Variants in ROBO2 observed in about 807,000 individuals in gnomAD.
ROBO2 encodes roundabout guidance receptor 2, also known as roundabout homolog 2.
A neutral mutation model predicts 160.8 loss-of-function variants in ROBO2; 53 were observed. The ratio of observed to expected loss-of-function variants is 0.33; its 90% CI spans 0.26 to 0.41. ROBO2 has a LOEUF of 0.41. Among genes scored for constraint, ROBO2 ranks in the 10% least tolerant of loss-of-function variants. ROBO2 has a pLI of 1.00. For synonymous variants in ROBO2, 664 were observed against 611.7 expected, an observed-to-expected ratio of 1.09 and a Z score of -1.26; for missense variants, 1,577 against 1,722.4, an observed-to-expected ratio of 0.92 and a Z score of 1.49.
intron 6 of ROBO2, among the ~76,000 whole-genome samples, chr3:77,525,482 C>G (rs1015565670): frequency 6.7e-6 from 1 of 150,098 alleles, no homozygotes; most frequent in African/African-American, 2.4e-5. Flanking sequence ...GCTGACTTGG[C>G]AAATGTAAAA....
At chr3:76,310,029 C>T (rs917098588) in intron 2 of ROBO2, among the ~76,000 whole-genome samples, 2 of 151,812 alleles carry the variant, frequency 1.3e-5, no homozygotes, top group African/African-American at 4.8e-5. Flanking sequence ...ACCATGTTGC[C>T]CAGTCTGGTA....
intron 2 of ROBO2, among the ~76,000 whole-genome samples, chr3:77,102,934 T>C (rs2072201871): frequency 6.6e-6 from 1 of 152,160 alleles, no homozygotes; most frequent in African/African-American, 2.4e-5. Flanking sequence ...AAAAATGTTT[T>C]TTAAATAGTT....
At chr3:77,120,370 G>A (rs2074632623) in intron 2 of ROBO2, among the ~76,000 whole-genome samples, 2 of 152,104 alleles carry the variant, frequency 1.3e-5, no homozygotes, top group African/African-American at 4.8e-5. Context: ...CTTCTAAAAT[G>A]TGTCCTGAAG....
chr3:75,960,900 C>A (rs1249125469), intron 2 of ROBO2, among the ~76,000 whole-genome samples: 2 of 151,574 alleles, frequency 1.3e-5, no homozygotes, highest in South Asian at 2.1e-4. Context: ...TATGAAGGTA[C>A]CTGCCATAGT....
intron 2 of ROBO2, among the ~76,000 whole-genome samples, chr3:76,760,788 AT>A (rs1353792980): frequency 2.0e-4 from 31 of 151,832 alleles, no homozygotes; most frequent in South Asian, 2.1e-4. Context: ...ATAAAATTCC[AT>A]TTATTGGATA....
At chr3:76,941,591 A>G (rs2078191865) in intron 2 of ROBO2, among the ~76,000 whole-genome samples, 3 of 152,180 alleles carry the variant, frequency 2.0e-5, no homozygotes, top group Admixed American at 2.0e-4. Context: ...ATTATTACGT[A>G]CCAATCATCG....
At chr3:76,184,175 C>G (rs1486477295) in intron 2 of ROBO2, among the ~76,000 whole-genome samples, 1 of 152,036 alleles carries the variant, frequency 6.6e-6, no homozygotes, top group Non-Finnish European at 1.5e-5. Context: ...CTCAGTGGGT[C>G]TCTTCTGCTT....
At chr3:77,316,945 C>A in intron 2 of ROBO2, 1 of 1,322,738 alleles carries the variant, frequency 7.6e-7, no homozygotes, top group Non-Finnish European at 1.1e-6. Context: ...GGCTGCTGTT[C>A]CGAAGCGCGT....
At chr3:77,279,797 A>G (rs1422920429) in intron 2 of ROBO2, among the ~76,000 whole-genome samples, 3 of 152,126 alleles carry the variant, frequency 2.0e-5, no homozygotes, top group Non-Finnish European at 4.4e-5. Context: ...AAAGTGTATA[A>G]TGTGTACTAG....
At chr3:76,486,311 G>A (rs2079493021) in intron 2 of ROBO2, among the ~76,000 whole-genome samples, 2 of 152,130 alleles carry the variant, frequency 1.3e-5, no homozygotes, top group African/African-American at 4.8e-5. Flanking sequence ...AGCCCTTAGA[G>A]TGATTCTATA....
intron 2 of ROBO2, among the ~76,000 whole-genome samples, chr3:76,664,630 CTA>C (rs2091954470): frequency 6.6e-6 from 1 of 152,086 alleles, no homozygotes; most frequent in South Asian, 2.1e-4. Context: ...TTTTAAAAAG[CTA>C]TGTGGGTTTC....
intron 2 of ROBO2, among the ~76,000 whole-genome samples, chr3:77,291,816 A>G (rs1321176970): frequency 8.6e-5 from 13 of 151,498 alleles, no homozygotes; most frequent in Non-Finnish European, 1.8e-4. Flanking sequence ...GTAAAGGCAT[A>G]AAGTAAAATT....
rs869307615 is a variant in ROBO2 at position 76,073,267 on chromosome 3, CTTTTTTTTTTTTTTTTTTTTTTTT to C, written c.109+135686_109+135709del. On this transcript the variant is annotated intron_variant, in intron 2 of 26. Transcript: ENST00000487694. ...TTGTAAACTTCTCAGAATGAGTATT[CTTTTTTTTTTTTTTTTTTTTTTTT>C]TTTTTTTTTTTTTTTTTTTTGAGAC... 3.1e-4 allele frequency among the ~76,000 whole-genome samples: 18 copies of C among 57,400 alleles called. 1 individual carries two copies. The highest frequency in any genetic ancestry group is 1.2e-3 in the South Asian group (2 of 1,638). The allele number at this position is 57,400 out of a possible 152,430, so 37.7% of individuals were successfully genotyped here.
At chr3:77,592,671 C>G (rs542774304) in intron 17 of ROBO2, among the ~76,000 whole-genome samples, 1 of 152,236 alleles carries the variant, frequency 6.6e-6, no homozygotes, top group Non-Finnish European at 1.5e-5. Context: ...CCTACCTCAG[C>G]CTCCCGAATA....
At chr3:77,557,774 G>A (rs909057264) in intron 8 of ROBO2, among the ~76,000 whole-genome samples, 170 bp from the exon 10 acceptor site, 1 of 151,830 alleles carries the variant, frequency 6.6e-6, no homozygotes, top group African/African-American at 2.4e-5. Flanking sequence ...ATAGATGATA[G>A]ATATATGATA....
chr3:76,877,470 G>T (rs1034902499), intron 2 of ROBO2, among the ~76,000 whole-genome samples: 2 of 152,168 alleles, frequency 1.3e-5, no homozygotes, highest in African/African-American at 2.4e-5. Flanking sequence ...GGGGAGGGAG[G>T]TTTATGAGAA....
Position 75,968,815 on chromosome 3 carries a change from C to G in ROBO2, c.109+31213C>G, listed in dbSNP as rs369362408. Among the ~76,000 whole-genome samples the G allele has an allele frequency of 1.3e-3, 171 of 132,256 alleles. 3 individuals carry two copies. Among genetic ancestry groups the G allele is most frequent in the African/African-American group, 3.5e-3 (129 of 36,614 alleles). The allele number at this position is 132,256 out of a possible 152,430, so 86.8% of individuals were successfully genotyped here. ...CTTGTTTTAGATAGTACATAGATAGCACATAGAATAGCCACCATTCTACTG... is the reference window on the plus strand; with the variant it reads ...CTTGTTTTAGATAGTACATAGATAGGACATAGAATAGCCACCATTCTACTG... On this transcript the variant is annotated intron_variant, in intron 2 of 26. Coordinates refer to the ROBO2 transcript ENST00000487694.
intron 2 of ROBO2, among the ~76,000 whole-genome samples, chr3:77,448,479 A>G (rs1028475285): frequency 2.0e-5 from 3 of 152,166 alleles, no homozygotes; most frequent in African/African-American, 7.2e-5. Flanking sequence ...TCTCTGACAC[A>G]CACAAGTGTG....
intron 2 of ROBO2, among the ~76,000 whole-genome samples, chr3:76,031,214 G>A (rs766929412): frequency 6.6e-6 from 1 of 152,168 alleles, no homozygotes; most frequent in African/African-American, 2.4e-5. Flanking sequence ...CATTGATTTT[G>A]TATCCTGAGA....
Sources: allele counts gnomAD v4.1 joint callset (sites outside exome capture counted in the v4.1 genomes callset), GRCh38; gene constraint gnomAD v4.1.1; transcripts MANE v1.5; gene names NCBI Gene and HGNC (gene_info 2026-07-23, HGNC 2026-07-21).